Variants in ABCD3 observed in about 807,000 individuals in gnomAD.
The protein encoded by ABCD3 is ATP-binding cassette sub-family D member 3.
In ABCD3, 41 loss-of-function variants were observed where a neutral mutation model predicts 105.5. That is an observed-to-expected ratio of 0.39 (90% CI 0.30 to 0.50). The LOEUF is 0.50. ABCD3 is among the 20% of genes least tolerant of loss of function. The pLI, the probability that ABCD3 is intolerant of heterozygous loss-of-function variation, is 0.84. For synonymous variants in ABCD3, 258 were observed against 269.0 expected, an observed-to-expected ratio of 0.96 and a Z score of 0.40; for missense variants, 622 against 806.3, an observed-to-expected ratio of 0.77 and a Z score of 2.77.
the ABCD3 span, among the ~76,000 whole-genome samples, chr1:94,404,312 C>G: frequency 6.6e-6 from 1 of 152,176 alleles, no homozygotes; most frequent in Non-Finnish European, 1.5e-5. Flanking sequence ...GTTCAGGGTT[C>G]ATGTGTAATT....
chr1:94,478,178 A>T, intron 7 of ABCD3, 81 bp from the exon 8 acceptor site: 1 of 868,124 alleles, frequency 1.2e-6, no homozygotes, highest in Non-Finnish European at 1.9e-6. Context: ...GTTTAATGAC[A>T]TTTTATAGTT....
intron 1 of ABCD3, among the ~76,000 whole-genome samples, chr1:94,432,131 A>G (rs1659706543): frequency 1.3e-5 from 2 of 152,240 alleles, no homozygotes; most frequent in African/African-American, 4.8e-5. Flanking sequence ...ACATTTATCC[A>G]GTACGTTCTG....
the ABCD3 span, among the ~76,000 whole-genome samples, chr1:94,395,891 GAC>G: frequency 2.6e-5 from 4 of 151,380 alleles, no homozygotes; most frequent in Admixed American, 6.6e-5. Context: ...GAAAGAGAGA[GAC>G]ACACACACAC....
At chr1:94,501,826 T>C (rs1380625107) in intron 20 of ABCD3, among the ~76,000 whole-genome samples, 2 of 152,146 alleles carry the variant, frequency 1.3e-5, no homozygotes. Context: ...TTACCAGAGA[T>C]ACCACTGTTA....
intron 1 of ABCD3, among the ~76,000 whole-genome samples, chr1:94,424,401 C>G (rs965903064): frequency 6.6e-6 from 1 of 152,088 alleles, no homozygotes; most frequent in Non-Finnish European, 1.5e-5. Context: ...GTGAGACCTT[C>G]TATTGCCATT....
At chr1:94,490,311 A>G (rs1359492464) in intron 15 of ABCD3, among the ~76,000 whole-genome samples, 2 of 151,968 alleles carry the variant, frequency 1.3e-5, no homozygotes, top group Admixed American at 6.6e-5. Context: ...ATTTTCTACT[A>G]TTGTCCCAGT....
chr1:94,469,663 CTTTTTTTTTT>C (rs5776221), intron 4 of ABCD3, among the ~76,000 whole-genome samples: 5 of 70,082 alleles, frequency 7.1e-5, no homozygotes, highest in East Asian at 4.0e-4. Context: ...GTGTTCTTGC[CTTTTTTTTTT>C]TTTTTTTTTT....
chr1:94,500,433 C>A (rs957887185), intron 20 of ABCD3, among the ~76,000 whole-genome samples: 1 of 151,900 alleles, frequency 6.6e-6, no homozygotes, highest in Non-Finnish European at 1.5e-5. Context: ...AGAAGGAGAT[C>A]GTCTCTCTAA....
the ABCD3 span, among the ~76,000 whole-genome samples, chr1:94,412,590 T>C: frequency 6.6e-6 from 1 of 152,230 alleles, no homozygotes; most frequent in Non-Finnish European, 1.5e-5. Context: ...ATTATACCTA[T>C]GATATTTTAC....
chr1:94,427,875 A>G (rs1659527291), intron 1 of ABCD3, among the ~76,000 whole-genome samples: 1 of 152,214 alleles, frequency 6.6e-6, no homozygotes, highest in Admixed American at 6.5e-5. Context: ...GCTTAAAAAC[A>G]TGGCTTTCAT....
rs775494644 is a variant in ABCD3 at position 94,499,514 on chromosome 1, A to G, written c.1640A>G (p.Asp547Gly). The change falls in exon 20 of 23, where the codon GAC (aspartate) becomes GGC (glycine). Residue 547 changes from aspartate to glycine, a missense_variant. By Grantham distance (94) the Asp-to-Gly change is moderately conservative (BLOSUM62 -1). Around this residue, in one of 4 missense-constraint regions of ABCD3, gnomAD observed 285 missense variants for 352.5 expected, o/e 0.81. Coordinates refer to ENST00000370214, the MANE Select transcript of ABCD3 (RefSeq NM_002858.4). ...TGAAAGGTACTGAAGGAATACTTAG[A>G]CAATGTCCAGTTGGGTCATATCCTT... ...ISDLVLKEYL[D>G]NVQLGHILER... 1.4e-5 allele frequency: 23 copies of G among 1,613,604 alleles called. No homozygotes were observed. The highest frequency in any genetic ancestry group is 1.9e-5 in the Non-Finnish European group (23 of 1,179,712).
At chr1:94,471,619 G>A (rs1452129528) in intron 4 of ABCD3, among the ~76,000 whole-genome samples, 1 of 151,924 alleles carries the variant, frequency 6.6e-6, no homozygotes, top group East Asian at 1.9e-4. Context: ...TTGAGCCTCT[G>A]CTGTGTATGA....
chr1:94,514,849 C>T (rs2101073008), intron 21 of ABCD3: 1 of 334,854 alleles, frequency 3.0e-6, no homozygotes, highest in Admixed American at 4.4e-5. Context: ...TTATCCTTCT[C>T]ATATTCCTCT....
chr1:94,493,478 C>G (rs1309019083), intron 16 of ABCD3, among the ~76,000 whole-genome samples: 1 of 151,388 alleles, frequency 6.6e-6, no homozygotes, highest in Non-Finnish European at 1.5e-5. Context: ...AATAGGAACA[C>G]TTTTACACTG....
intron 20 of ABCD3, among the ~76,000 whole-genome samples, chr1:94,500,363 C>A (rs1405902302): frequency 6.6e-6 from 1 of 152,004 alleles, no homozygotes. Context: ...TGCTTGAGCC[C>A]AGGAGTTTGA....
At chr1:94,480,813 C>G (rs1648995683) in intron 9 of ABCD3, among the ~76,000 whole-genome samples, 1 of 152,076 alleles carries the variant, frequency 6.6e-6, no homozygotes, top group South Asian at 2.1e-4. Flanking sequence ...TGTAGTATTC[C>G]TGATTCACCT....
chr1:94,479,942 G>A (rs1460915865), intron 8 of ABCD3, among the ~76,000 whole-genome samples: 1 of 152,032 alleles, frequency 6.6e-6, no homozygotes, highest in Admixed American at 6.6e-5. Context: ...GACAGAGCTC[G>A]TTCAGGGGGA....
At chr1:94,480,877 G>A (rs1019806311) in intron 9 of ABCD3, among the ~76,000 whole-genome samples, 5 of 152,104 alleles carry the variant, frequency 3.3e-5, no homozygotes, top group African/African-American at 1.2e-4. Flanking sequence ...GACATAATCA[G>A]TTTACAATTC....
intron 7 of ABCD3, among the ~76,000 whole-genome samples, chr1:94,477,364 A>G (rs1570796307): frequency 6.6e-6 from 1 of 151,878 alleles, no homozygotes; most frequent in South Asian, 2.1e-4. Flanking sequence ...ATAGTGGCTC[A>G]TCCCTGCAAT....
Sources: allele counts gnomAD v4.1 joint callset (sites outside exome capture counted in the v4.1 genomes callset), GRCh38; gene constraint gnomAD v4.1.1; regional missense constraint gnomAD v4.1.1; transcripts MANE v1.5; gene names NCBI Gene and HGNC (gene_info 2026-07-23, HGNC 2026-07-21).